FGF13: variants seen among roughly 807,000 people sequenced by gnomAD.
The protein encoded by FGF13 is fibroblast growth factor 13, also known as fibroblast growth factor homologous factor 2.
Under a neutral mutation model 19.5 loss-of-function variants are expected in FGF13, and 2 were observed. The ratio of observed to expected loss-of-function variants is 0.10; its 90% CI spans 0.04 to 0.32. FGF13 has a LOEUF of 0.32. Ranked by LOEUF, FGF13 falls within the 10% of genes least tolerant of loss-of-function variation. The pLI is 1.00. For synonymous variants in FGF13, 72 were observed against 76.9 expected (o/e 0.94, Z 0.33); for missense variants, 113 against 192.7 (o/e 0.59, Z 2.45).
chrX:138,661,314 A>G (rs1326670812), intron 3 of FGF13, among the ~76,000 whole-genome samples: 1 of 112,124 alleles, frequency 8.9e-6, no homozygotes, highest in African/African-American at 3.2e-5. Context: ...TACAATTGAC[A>G]TTTGTGGATA....
chrX:138,807,878 C>G (rs2090884202), intron 3 of FGF13, among the ~76,000 whole-genome samples: 1 of 112,024 alleles, frequency 8.9e-6, no homozygotes, highest in Non-Finnish European at 1.9e-5. Context: ...ATCAATTCAA[C>G]AAGAAGAGCT....
At chrX:139,203,236 GC>G (rs1376961963) in intron 1 of FGF13, among the ~76,000 whole-genome samples, 1 of 111,452 alleles carries the variant, frequency 9.0e-6, no homozygotes, top group East Asian at 2.9e-4. Flanking sequence ...GTGGTCGGGT[GC>G]CCCGGGCGCG....
At chrX:138,856,611 G>C (rs757108101), downstream of FGF13, among the ~76,000 whole-genome samples, 15 of 112,029 alleles carry the variant, frequency 1.3e-4, no homozygotes, top group Non-Finnish European at 2.6e-4. Context: ...ACTTCCAAAT[G>C]TTATTCATTG....
intron 1 of FGF13, among the ~76,000 whole-genome samples, chrX:138,737,824 G>A (rs2090290118): frequency 8.9e-6 from 1 of 112,173 alleles, no homozygotes; most frequent in African/African-American, 3.2e-5. Flanking sequence ...TGTAGCTCCT[G>A]CCTTTAATGA....
At chrX:139,193,256 A>T (rs964758778) in intron 1 of FGF13, among the ~76,000 whole-genome samples, 1 of 111,750 alleles carries the variant, frequency 8.9e-6, no homozygotes, top group Admixed American at 9.5e-5. Context: ...CCCATTATGA[A>T]GTAGCAATTG....
intron 3 of FGF13, among the ~76,000 whole-genome samples, chrX:138,850,377 G>T (rs2091213707): frequency 9.0e-6 from 1 of 111,417 alleles, no homozygotes; most frequent in Non-Finnish European, 1.9e-5. Flanking sequence ...AGAAAGAATG[G>T]GTTTCATTGC....
chrX:138,805,188 T>A (rs978617511), intron 3 of FGF13, among the ~76,000 whole-genome samples: 11 of 111,871 alleles, frequency 9.8e-5, no homozygotes, highest in Non-Finnish European at 1.9e-4. Flanking sequence ...TACCCTCAGA[T>A]ACGGATAACA....
rs148009344 is a variant in FGF13, at chrX:138,621,568, A to G, written c.*11282T>C. On this transcript the variant is annotated 3_prime_UTR_variant, in exon 5 of 5. Transcript: ENST00000315930. ...GGAACTATAAAAGAACCATAAACTA[A>G]TCCCAAAGTCGGAAGAAGGAATGAA... 9.0e-6 allele frequency: 1 copy of G among 111,274 alleles called. No individual in the cohort carries two copies. Among genetic ancestry groups the G allele is most frequent in the Admixed American group, 9.5e-5 (1 of 10,482 alleles). The allele number at this position is 111,274 out of a possible 1,213,427, so 9.2% of individuals were successfully genotyped here. A position where few individuals can be genotyped will look rare whatever the true frequency, so the allele number is the denominator to read the frequency against.
At chrX:139,165,713 A>C (rs1245082749) in intron 1 of FGF13, among the ~76,000 whole-genome samples, 2 of 111,312 alleles carry the variant, frequency 1.8e-5, no homozygotes, top group East Asian at 5.7e-4. Context: ...GGTGTGCCTC[A>C]ATCTCCCACT....
intron 1 of FGF13, among the ~76,000 whole-genome samples, chrX:138,906,299 G>C (rs938278179): frequency 9.8e-5 from 11 of 112,205 alleles, no homozygotes; most frequent in African/African-American, 3.6e-4. Context: ...GAGTTAATGT[G>C]CAGCATGCAA....
intron 1 of FGF13, among the ~76,000 whole-genome samples, chrX:139,200,729 G>T (rs2084408608): frequency 8.9e-6 from 1 of 112,511 alleles, no homozygotes; most frequent in Non-Finnish European, 1.9e-5. Flanking sequence ...TTGAAAGCGA[G>T]AATTAGCTAG....
intron 3 of FGF13, among the ~76,000 whole-genome samples, chrX:138,764,235 C>T (rs1049260353): frequency 1.8e-5 from 2 of 112,032 alleles, no homozygotes; most frequent in Admixed American, 9.5e-5. Context: ...AACCTCAACA[C>T]GAGGGGCTGC....
intron 3 of FGF13, among the ~76,000 whole-genome samples, chrX:138,745,775 A>T (rs1026830768): frequency 3.6e-5 from 4 of 111,728 alleles, no homozygotes; most frequent in Non-Finnish European, 7.5e-5. Context: ...GGTGTTTGAG[A>T]CACGAGAATA....
At chrX:139,109,254 T>C (rs1439393966) in intron 1 of FGF13, among the ~76,000 whole-genome samples, 2 of 111,921 alleles carry the variant, frequency 1.8e-5, no homozygotes, top group Non-Finnish European at 3.8e-5. Context: ...GTGGTATCTG[T>C]CCTTGCTCTG....
At chrX:138,919,129 T>C (rs921824039) in intron 1 of FGF13, among the ~76,000 whole-genome samples, 1 of 111,748 alleles carries the variant, frequency 8.9e-6, no homozygotes, top group Admixed American at 9.5e-5. Context: ...CATTGCTACA[T>C]TAAAATTTAA....
intron 1 of FGF13, among the ~76,000 whole-genome samples, chrX:138,897,194 G>T (rs751070002): frequency 7.0e-4 from 78 of 111,712 alleles, no homozygotes; most frequent in Non-Finnish European, 1.3e-3. Context: ...ATTTTTTGTA[G>T]AGATGGGGTT....
chrX:138,704,670 C>T (rs2089978227), intron 2 of FGF13, among the ~76,000 whole-genome samples: 1 of 112,006 alleles, frequency 8.9e-6, no homozygotes, highest in South Asian at 3.7e-4. Context: ...CCTTTAAAAC[C>T]AGGGTGTTAC....
At chrX:138,750,139 G>A (rs2090387140) in intron 3 of FGF13, among the ~76,000 whole-genome samples, 1 of 111,656 alleles carries the variant, frequency 9.0e-6, no homozygotes, top group Non-Finnish European at 1.9e-5. Context: ...GAGGGGAAGA[G>A]GAGGTAGGTT....
intron 1 of FGF13, among the ~76,000 whole-genome samples, chrX:138,890,834 T>C (rs986551653): frequency 6.3e-5 from 7 of 111,824 alleles, no homozygotes; most frequent in African/African-American, 2.3e-4. Flanking sequence ...AGTTCCTAGG[T>C]CCATTCTAAG....
Sources: allele counts gnomAD v4.1 joint callset (sites outside exome capture counted in the v4.1 genomes callset), GRCh38; gene constraint gnomAD v4.1.1; transcripts MANE v1.5; gene names NCBI Gene and HGNC (gene_info 2026-07-23, HGNC 2026-07-21).